Variants in TIMELESS observed in about 807,000 individuals in gnomAD.
TIMELESS encodes the protein protein timeless homolog.
In TIMELESS, 124 loss-of-function variants were observed where a neutral mutation model predicts 164.3. The ratio of observed to expected loss-of-function variants is 0.75; its 90% CI spans 0.65 to 0.88. The LOEUF (loss-of-function observed/expected upper bound fraction) is 0.88, where lower values mean the gene tolerates loss of function less well. Among genes scored for constraint, TIMELESS ranks in the 40% least tolerant of loss-of-function variants. The probability of loss-of-function intolerance (pLI) is 0.00; values close to 1 mark genes in which losing one functional copy is unlikely to be tolerated. For missense variants in TIMELESS, 1,422 were observed against 1,491.4 expected, an observed-to-expected ratio of 0.95 and a Z score of 0.77; for synonymous variants, 564 against 563.4, an observed-to-expected ratio of 1.00 and a Z score of -0.02.
At chr12:56,443,662 G>A (rs920923949) in intron 1 of TIMELESS, among the ~76,000 whole-genome samples, 2 of 152,102 alleles carry the variant, frequency 1.3e-5, no homozygotes, top group African/African-American at 4.8e-5. Context: ...AAACTTGCTG[G>A]TTTTGCGGCT....
intron 1 of TIMELESS, among the ~76,000 whole-genome samples, chr12:56,440,903 T>TGCCTC (rs1183562838): frequency 6.6e-6 from 1 of 152,138 alleles, no homozygotes; most frequent in Non-Finnish European, 1.5e-5. Flanking sequence ...CTGTAACCTC[T>TGCCTC]GCCTCCCGGG....
chr12:56,444,809 CTTAGGCCTGCATCT>C (rs1463792781), intron 1 of TIMELESS, among the ~76,000 whole-genome samples: 2 of 151,934 alleles, frequency 1.3e-5, no homozygotes, highest in Non-Finnish European at 2.9e-5. Flanking sequence ...GCTGATTTTC[CTTAGGCCTGCATCT>C]TTAGCCTTCT....
chr12:56,430,219 G>C lies in TIMELESS; in HGVS notation c.972C>G (p.Ala324=). ...GGCGCTGAATGGACAGCTCTCGGGCGGCCTGGCGACGTTTAGGCACCTTTT... is the reference window on the plus strand; with the variant it reads ...GGCGCTGAATGGACAGCTCTCGGGCCGCCTGGCGACGTTTAGGCACCTTTT... ...QPKKVPKRRQ[A]ARELSIQRRS... is the part of the protein sequence containing the mutation. The change falls in exon 10 of 29, where the codon GCC becomes GCG. Residue 324 remains alanine, a synonymous_variant. Transcript: ENST00000553532. The C allele has an allele frequency of 6.2e-7, 1 of 1,613,986 alleles. No homozygotes were observed. Among genetic ancestry groups the C allele is most frequent in the Non-Finnish European group, 8.5e-7 (1 of 1,179,962 alleles).
At chr12:56,431,761 C>A (rs1210096237) in intron 7 of TIMELESS, among the ~76,000 whole-genome samples, 157 bp from the exon 8 acceptor site, 1 of 151,788 alleles carries the variant, frequency 6.6e-6, no homozygotes, top group African/African-American at 2.4e-5. Context: ...TTCTAAGACA[C>A]CCACTGGATG....
At chr12:56,420,006 C>CAAAAAAAAAAAAAAAAA (rs57647901) in intron 26 of TIMELESS, among the ~76,000 whole-genome samples, 1 of 13,288 alleles carries the variant, frequency 7.5e-5, no homozygotes. Context: ...GACTCTGTCT[C>CAAAAAAAAAAAAAAAAA]AAAAAAAAAA....
In TIMELESS at chr12:56,445,730, C is replaced by CA. The variant is rs550513491; in HGVS notation, c.-62+3579dup. ...GGGCAACAAGAGCGAAACTCTGTCT[C>CA]AAAAAAAAAAAAAAGAAACCTAGGA... On this transcript the variant is annotated intron_variant, in intron 1 of 28. Coordinates refer to ENST00000553532, the MANE Select transcript of TIMELESS (RefSeq NM_003920.5). Among the ~76,000 whole-genome samples the CA allele has an allele frequency of 4.7e-3, 610 of 130,498 alleles. 3 individuals are homozygous for CA. The highest frequency in any genetic ancestry group is 0.021 in the South Asian group (85 of 4,104). The allele number at this position is 130,498 out of a possible 152,430, so 85.6% of individuals were successfully genotyped here.
Position 56,430,978 on chromosome 12 carries a change from CA to C in TIMELESS, c.822-11del. On this transcript the variant is annotated splice_polypyrimidine_tract_variant and intron_variant, in intron 8 of 28. Transcript: ENST00000553532. The stretch of plus-strand genomic sequence containing the variant: ...CCCAAATCGAGAATGCCTGCAGAAA[CA>C]AAAAGGTCCAAGGTGATTTTTCAGT... The C allele has an allele frequency of 2.6e-6, 4 of 1,555,028 alleles. No individual in the cohort carries two copies. The Admixed American group carries it at 6.0e-5, about 23-fold the overall frequency.
At chr12:56,447,016 T>A (rs1565691049) in intron 1 of TIMELESS, among the ~76,000 whole-genome samples, 5 of 150,544 alleles carry the variant, frequency 3.3e-5, no homozygotes, top group South Asian at 2.1e-4. Context: ...TCTTTTTATT[T>A]TTTTTTTTTT....
chr12:56,426,981 T>C (rs907793435), intron 13 of TIMELESS, among the ~76,000 whole-genome samples: 1 of 152,008 alleles, frequency 6.6e-6, no homozygotes, highest in African/African-American at 2.4e-5. Context: ...TTTTCAGAGA[T>C]AGGGTCTTGG....
intron 1 of TIMELESS, among the ~76,000 whole-genome samples, chr12:56,443,554 C>T (rs1868307776): frequency 6.6e-6 from 1 of 152,170 alleles, no homozygotes; most frequent in South Asian, 2.1e-4. Context: ...TCCTGCTCTG[C>T]CCTTTTGCCT....
At chr12:56,434,767 C>G (rs1005766004) in intron 1 of TIMELESS, among the ~76,000 whole-genome samples, 1 of 151,056 alleles carries the variant, frequency 6.6e-6, no homozygotes, top group African/African-American at 2.4e-5. Flanking sequence ...ATTGTTAGAC[C>G]CTGGCTGGGC....
At chr12:56,424,698 G>A in intron 15 of TIMELESS, 64 bp downstream of exon 15, 1 of 1,572,806 alleles carries the variant, frequency 6.4e-7, no homozygotes, top group Admixed American at 1.8e-5. Flanking sequence ...TGAGAACACT[G>A]TACCGCAGTG....
Position 56,423,870 on chromosome 12 carries a change from C to A in TIMELESS, c.1893G>T (p.Val631=). 6.2e-7 allele frequency: 1 copy of A among 1,614,186 alleles called. No homozygotes were observed. Among genetic ancestry groups the A allele is most frequent in the Non-Finnish European group, 8.5e-7 (1 of 1,180,044 alleles). The part of the protein sequence containing the change: ...SAREVWPEGD[V]FGSQDISPEE... ...CTGGAGAAATGTCTTGAGAGCCAAA[C>A]ACATCTCCTTCAGGCCACACCTCCC... The change falls in exon 16 of 29, where the codon GTG becomes GTT. Residue 631 remains valine (V), a synonymous_variant. Coordinates refer to ENST00000553532, the MANE Select transcript of TIMELESS (RefSeq NM_003920.5).
intron 26 of TIMELESS, among the ~76,000 whole-genome samples, chr12:56,420,029 A>AAAAAAAAAAAAAAG (rs1555176447): frequency 1.3e-5 from 1 of 75,188 alleles, no homozygotes; most frequent in Non-Finnish European, 2.2e-5. Context: ...AAAAAAAAAA[A>AAAAAAAAAAAAAAG]ATATATATAT....
At position 56,442,418 on chromosome 12, in the gene TIMELESS, G is replaced by C. The variant is rs115568694; in HGVS notation, c.-62+6892C>G. On this transcript the variant is annotated intron_variant, in intron 1 of 28. Coordinates refer to ENST00000553532, the MANE Select transcript of TIMELESS (RefSeq NM_003920.5). ...GAAAAGCAGCTGGAACCAGCTTTAT[G>C]GGAAAAACCTCATCTTTGTCCATCA... Among the ~76,000 whole-genome samples, 1,259 of 152,274 alleles carry C rather than the reference G, an allele frequency of 8.3e-3. 22 individuals carry two copies. Among genetic ancestry groups the C allele is most frequent in the African/African-American group, 0.029 (1,189 of 41,554 alleles).
intron 15 of TIMELESS, 79 bp downstream of exon 15, chr12:56,424,683 A>T: frequency 6.6e-7 from 1 of 1,515,642 alleles, no homozygotes; most frequent in East Asian, 2.3e-5. Context: ...CTCTCTTTTG[A>T]AGACTGAGAA....
chr12:56,424,673 C>T (rs1386608611), intron 15 of TIMELESS, 89 bp downstream of exon 15: 4 of 1,484,050 alleles, frequency 2.7e-6, no homozygotes, highest in Admixed American at 4.2e-5. Context: ...GATGAGACAA[C>T]TCTCTTTTGA....
chr12:56,426,050 C>A (rs1232262708), intron 13 of TIMELESS, among the ~76,000 whole-genome samples: 2 of 152,074 alleles, frequency 1.3e-5, no homozygotes, highest in African/African-American at 4.8e-5. Context: ...AAAGAACTTA[C>A]AATCAAACAC....
At position 56,421,372 on chromosome 12, in the gene TIMELESS, T is replaced by C; in HGVS notation, c.2847A>G (p.Lys949=). ...ERRELYKKRQ[K]KLASSILPNG... The stretch of plus-strand genomic sequence containing the variant: ...TTACCAAGATGGAGGATGCCAACTT[T>C]TTCTGCCGTTTCTTGTACAGCTCCC... Residue 949 remains lysine (K), a synonymous_variant, in exon 23 of 29, where the codon AAA becomes AAG. Coordinates refer to ENST00000553532, the MANE Select transcript of TIMELESS (RefSeq NM_003920.5). The C allele has an allele frequency of 6.2e-7, 1 of 1,613,944 alleles. No individual in the cohort carries two copies. Among genetic ancestry groups the C allele is most frequent in the Non-Finnish European group, 8.5e-7 (1 of 1,179,934 alleles).
Sources: gnomAD v4.1 joint callset for allele counts (sites outside exome capture counted in the v4.1 genomes callset) on GRCh38, gnomAD v4.1.1 for gene constraint, MANE v1.5 for transcripts, NCBI Gene and HGNC (gene_info 2026-07-23, HGNC 2026-07-21) for gene names.